Variants in PSD3 observed in about 807,000 individuals in gnomAD.
PSD3 encodes the protein PH and SEC7 domain-containing protein 3.
Under a neutral mutation model 105.5 loss-of-function variants are expected in PSD3, and 49 were observed. The ratio of observed to expected loss-of-function variants is 0.46; its 90% CI spans 0.37 to 0.59. PSD3 has a LOEUF of 0.59. Among genes scored for constraint, PSD3 ranks in the 20% least tolerant of loss-of-function variants. The pLI is 0.00. For synonymous variants in PSD3, 557 were observed against 457.8 expected, an observed-to-expected ratio of 1.22 and a Z score of -2.77; for missense variants, 1,561 against 1,263.8, an observed-to-expected ratio of 1.24 and a Z score of -3.57.
At chr8:18,677,776 C>T (rs533298443) in intron 9 of PSD3, among the ~76,000 whole-genome samples, 103 of 152,086 alleles carry the variant, frequency 6.8e-4, no homozygotes, top group African/African-American at 1.9e-3. Context: ...CTGTGGGAGG[C>T]GAGGCGGCCA....
intron 9 of PSD3, among the ~76,000 whole-genome samples, chr8:18,723,225 T>A (rs1392596520): frequency 6.6e-6 from 1 of 152,196 alleles, no homozygotes; most frequent in African/African-American, 2.4e-5. Context: ...ACACGTGTGT[T>A]CTAGCTTGTT....
chr8:18,962,175 G>A (rs1292453793), intron 1 of PSD3, among the ~76,000 whole-genome samples: 2 of 152,024 alleles, frequency 1.3e-5, no homozygotes, highest in Non-Finnish European at 2.9e-5. Context: ...GAATCTGGGA[G>A]GCGGAGGTTG....
At chr8:18,670,188 C>T (rs970042627) in intron 9 of PSD3, among the ~76,000 whole-genome samples, 1 of 152,128 alleles carries the variant, frequency 6.6e-6, no homozygotes, top group Admixed American at 6.5e-5. Flanking sequence ...CAGCCACGCA[C>T]AGGTGTGGGG....
At chr8:19,043,620 T>C (rs1456296286) in intron 1 of PSD3, among the ~76,000 whole-genome samples, 1 of 152,176 alleles carries the variant, frequency 6.6e-6, no homozygotes, top group African/African-American at 2.4e-5. Context: ...GCCGATGGAA[T>C]GGTATTGGGA....
At chr8:18,661,198 T>C (rs111742067) in intron 9 of PSD3, among the ~76,000 whole-genome samples, 2,082 of 152,276 alleles carry the variant, frequency 0.014, 56 homozygotes, top group African/African-American at 0.047. Flanking sequence ...GGTTCCTGAA[T>C]CATTATGAAA....
chr8:18,564,620 C>A (rs1392666855), intron 14 of PSD3, among the ~76,000 whole-genome samples: 6 of 138,020 alleles, frequency 4.3e-5, no homozygotes, highest in African/African-American at 1.1e-4. Flanking sequence ...TAGAGTGAGA[C>A]CTTGTCTCAA....
chr8:18,725,844 A>G (rs1803302482), intron 9 of PSD3, among the ~76,000 whole-genome samples: 1 of 152,160 alleles, frequency 6.6e-6, no homozygotes, highest in Admixed American at 6.5e-5. Flanking sequence ...GGGGAAGCAA[A>G]ATTAGTGGCA....
intron 1 of PSD3, among the ~76,000 whole-genome samples, chr8:19,003,401 G>A (rs1172259420): frequency 6.6e-6 from 1 of 151,816 alleles, no homozygotes; most frequent in African/African-American, 2.4e-5. Context: ...AAAATAAAGA[G>A]GTCAGGTAAG....
intron 1 of PSD3, among the ~76,000 whole-genome samples, chr8:19,034,589 G>T (rs1181616834): frequency 6.6e-6 from 1 of 152,170 alleles, no homozygotes; most frequent in African/African-American, 2.4e-5. Flanking sequence ...CCAGGTGAAG[G>T]CCTCAGTGCT....
chr8:19,013,590 T>A lies in PSD3; in HGVS notation c.-7A>T. The A allele has an allele frequency of 6.7e-7, 1 of 1,497,658 alleles. No homozygotes were observed. The highest frequency in any genetic ancestry group is 8.8e-7 in the Non-Finnish European group (1 of 1,131,600). 92.8% of individuals were successfully genotyped at this position (1,497,658 alleles called of 1,614,324 possible). A position where few individuals can be genotyped will look rare whatever the true frequency, so the allele number is the denominator to read the frequency against. ...CTGCGCTCCTTCCTTCCATCTTCCA[T>A]CGCCAGCCCGGCCGCGCGCCGAAAC... On this transcript the variant is annotated 5_prime_UTR_variant, in exon 1 of 16. An upstream start codon of the reference 5' UTR is lost. Coordinates refer to ENST00000327040, the MANE Select transcript of PSD3 (RefSeq NM_015310.4).
rs557542252 is a variant in PSD3 at position 18,738,264 on chromosome 8, T to C, written c.2172+27185A>G. Reference sequence around the variant, plus strand: ...AAACCATGGCAGTGAGAAGGACAAGTAGCTGTCCTTCTCTCTGTTCTGTCT... The same window carrying C: ...AAACCATGGCAGTGAGAAGGACAAGCAGCTGTCCTTCTCTCTGTTCTGTCT... On this transcript the variant is annotated intron_variant, in intron 9 of 15. Transcript: ENST00000327040. Among the ~76,000 whole-genome samples, 8 of 152,260 alleles carry C rather than the reference T, an allele frequency of 5.3e-5. No individual in the cohort carries two copies. In the South Asian group the frequency reaches 1.7e-3, roughly 32 times the overall value.
At chr8:18,645,345 C>T (rs941272743) in intron 10 of PSD3, among the ~76,000 whole-genome samples, 3 of 152,116 alleles carry the variant, frequency 2.0e-5, no homozygotes, top group Non-Finnish European at 4.4e-5. Flanking sequence ...TTTAAAAATA[C>T]TTTACTGTAG....
intron 1 of PSD3, among the ~76,000 whole-genome samples, chr8:18,990,054 C>T (rs1265725104): frequency 6.6e-6 from 1 of 152,192 alleles, no homozygotes; most frequent in Non-Finnish European, 1.5e-5. Flanking sequence ...CAAAATGTGG[C>T]TCATTTATCT....
chr8:18,926,879 A>G (rs1460859058), intron 2 of PSD3, among the ~76,000 whole-genome samples: 1 of 146,650 alleles, frequency 6.8e-6, no homozygotes, highest in Non-Finnish European at 1.5e-5. Flanking sequence ...CCCTAACCCC[A>G]TGCCCTAACC....
At chr8:18,554,189 G>C (rs193072633) in intron 15 of PSD3, among the ~76,000 whole-genome samples, 3 of 152,204 alleles carry the variant, frequency 2.0e-5, no homozygotes, top group African/African-American at 7.2e-5. Context: ...AAGGGCTCCA[G>C]CGAGGTGCTG....
intron 1 of PSD3, among the ~76,000 whole-genome samples, chr8:18,952,143 G>T (rs1020649052): frequency 9.9e-5 from 15 of 152,120 alleles, no homozygotes; most frequent in Non-Finnish European, 1.9e-4. Flanking sequence ...GAGAATAAAT[G>T]ATTCACCAAG....
At chr8:18,785,531 C>A (rs945123381) in intron 8 of PSD3, among the ~76,000 whole-genome samples, 2 of 152,204 alleles carry the variant, frequency 1.3e-5, no homozygotes. Flanking sequence ...CCTATCTACA[C>A]CACCAAAACT....
chr8:18,587,386 T>C (rs950799583), intron 12 of PSD3, among the ~76,000 whole-genome samples: 10 of 151,292 alleles, frequency 6.6e-5, no homozygotes, highest in Non-Finnish European at 1.2e-4. Flanking sequence ...ATACCATCTC[T>C]TTAATTTTCG....
intron 1 of PSD3, among the ~76,000 whole-genome samples, chr8:19,049,634 T>G (rs334204): frequency 0.89 from 132,302 of 148,748 alleles, 59,628 homozygotes; most frequent in Non-Finnish European, 0.98. Flanking sequence ...GAGGCTGCTG[T>G]GAGCCACGAT....
Sources: gnomAD v4.1 joint callset for allele counts (sites outside exome capture counted in the v4.1 genomes callset) on GRCh38, gnomAD v4.1.1 for gene constraint, MANE v1.5 for transcripts, NCBI Gene and HGNC (gene_info 2026-07-23, HGNC 2026-07-21) for gene names.